The following RAI14 variants were observed in gnomAD, a reference collection of about 807,000 sequenced individuals.
The protein encoded by RAI14 is retinoic acid induced 14, also known as ankycorbin.
RAI14 carries 45 observed loss-of-function variants against 115.4 expected under a neutral mutation model. That is an observed-to-expected ratio of 0.39 (90% CI 0.31 to 0.50). RAI14 has a LOEUF of 0.50. Ranked by LOEUF, RAI14 falls within the 20% of genes least tolerant of loss-of-function variation. The pLI is 0.85. For synonymous variants in RAI14, 371 were observed against 415.4 expected (o/e 0.89, Z 1.30); for missense variants, 939 against 1,131.2 (o/e 0.83, Z 2.44).
intron 2 of RAI14, chr5:34,688,274 A>G (rs1223851705): frequency 6.5e-7 from 1 of 1,529,192 alleles, no homozygotes; most frequent in Non-Finnish European, 8.9e-7. Flanking sequence ...ATGTTGCCCA[A>G]TTCAGCAGAT....
intron 3 of RAI14, among the ~76,000 whole-genome samples, chr5:34,793,965 T>G (rs1753216743): frequency 6.6e-6 from 1 of 152,190 alleles, no homozygotes; most frequent in Non-Finnish European, 1.5e-5. Flanking sequence ...TTACTAAGGC[T>G]GGGAAACTTT....
intron 3 of RAI14, 69 bp downstream of exon 3, chr5:34,757,667 T>C: frequency 2.6e-6 from 4 of 1,515,264 alleles, no homozygotes; most frequent in Non-Finnish European, 3.5e-6. Context: ...GAATCCTTAG[T>C]ATCCATAGGG....
chr5:34,670,290 T>A (rs1436907763), intron 1 of RAI14, among the ~76,000 whole-genome samples: 1 of 152,220 alleles, frequency 6.6e-6, no homozygotes, highest in African/African-American at 2.4e-5. Flanking sequence ...GTGTTGGGCT[T>A]GGAACTTGAA....
At chr5:34,668,338 G>A (rs1743371687) in intron 1 of RAI14, among the ~76,000 whole-genome samples, 1 of 151,458 alleles carries the variant, frequency 6.6e-6, no homozygotes, top group Non-Finnish European at 1.5e-5. Flanking sequence ...AGGTTGCACT[G>A]AGCCGAGAGT....
intron 1 of RAI14, among the ~76,000 whole-genome samples, chr5:34,681,579 T>C (rs1397844847): frequency 6.6e-6 from 1 of 152,060 alleles, no homozygotes; most frequent in Non-Finnish European, 1.5e-5. Flanking sequence ...ACTGTAGCCT[T>C]GAACTCCCAG....
chr5:34,723,957 C>A (rs1444066201), intron 2 of RAI14, among the ~76,000 whole-genome samples: 1 of 151,992 alleles, frequency 6.6e-6, no homozygotes, highest in African/African-American at 2.4e-5. Context: ...TGACTTTTTG[C>A]CTTAAGTATT....
At chr5:34,822,250 G>GTATATATATATA (rs376790121) in intron 14 of RAI14, among the ~76,000 whole-genome samples, 7,472 of 134,338 alleles carry the variant, frequency 0.056, 305 homozygotes, top group African/African-American at 0.1. Context: ...ATGTGTGTAT[G>GTATATATATATA]TATATATATA....
chr5:34,709,363 G>A (rs377502691), intron 2 of RAI14, among the ~76,000 whole-genome samples: 2 of 152,220 alleles, frequency 1.3e-5, no homozygotes, highest in African/African-American at 4.8e-5. Context: ...CAGGAGAATC[G>A]CTTGAACCTG....
chr5:34,786,419 A>G (rs1381048168), intron 3 of RAI14, among the ~76,000 whole-genome samples: 1 of 152,200 alleles, frequency 6.6e-6, no homozygotes, highest in Non-Finnish European at 1.5e-5. Context: ...CTTCAAAATA[A>G]GAAGGGGGTG....
intron 1 of RAI14, chr5:34,684,478 A>G (rs1307876505): frequency 6.6e-6 from 1 of 152,192 alleles, no homozygotes; most frequent in East Asian, 1.9e-4. Flanking sequence ...ACAATGTATA[A>G]TTATGGTGTG....
intron 2 of RAI14, among the ~76,000 whole-genome samples, chr5:34,717,388 T>C (rs567736422): frequency 6.6e-6 from 1 of 152,378 alleles, no homozygotes; most frequent in East Asian, 1.9e-4. Context: ...AAAATATGGA[T>C]GCAATTTTAA....
chr5:34,779,703 C>G lies in RAI14; in HGVS notation c.168-16236C>G, dbSNP rs994022325. 3.9e-5 allele frequency among the ~76,000 whole-genome samples: 6 copies of G among 152,298 alleles called. No individual in the cohort carries two copies. In the South Asian group the frequency reaches 1.2e-3, roughly 32 times the overall value. On this transcript the variant is annotated intron_variant, in intron 3 of 17. Coordinates refer to ENST00000265109, the MANE Select transcript of RAI14 (RefSeq NM_015577.3). Reference sequence around the variant, plus strand: ...CTTCAAGGAGAATTACAAACCACTACTCAACGAAATAAAAGAGGACACAAA... The same window carrying G: ...CTTCAAGGAGAATTACAAACCACTAGTCAACGAAATAAAAGAGGACACAAA...
intron 2 of RAI14, among the ~76,000 whole-genome samples, chr5:34,728,312 T>C (rs181982934): frequency 9.2e-5 from 14 of 152,242 alleles, no homozygotes; most frequent in Non-Finnish European, 1.8e-4. Flanking sequence ...GTTAAGACTT[T>C]GGGGGGCCGT....
At chr5:34,723,255 C>T (rs1340071479) in intron 2 of RAI14, among the ~76,000 whole-genome samples, 2 of 151,550 alleles carry the variant, frequency 1.3e-5, no homozygotes, top group African/African-American at 2.4e-5. Flanking sequence ...GTTTATTTAT[C>T]TATAGAGAGA....
intron 1 of RAI14, among the ~76,000 whole-genome samples, chr5:34,660,150 T>C (rs1327234274): frequency 6.6e-6 from 1 of 151,528 alleles, no homozygotes; most frequent in Non-Finnish European, 1.5e-5. Context: ...CATTGCAGCC[T>C]GGGCGACAGA....
At chr5:34,707,509 G>A (rs1740851255) in intron 2 of RAI14, among the ~76,000 whole-genome samples, 1 of 152,144 alleles carries the variant, frequency 6.6e-6, no homozygotes, top group Non-Finnish European at 1.5e-5. Context: ...TTAAAATTCT[G>A]TATTTCCTGT....
At position 34,823,162 on chromosome 5, in the gene RAI14, T is replaced by C. The variant is rs145935448; in HGVS notation, c.1320T>C (p.Asp440=). 1.9e-6 allele frequency: 3 copies of C among 1,613,398 alleles called. No individual in the cohort carries two copies. Among genetic ancestry groups the C allele is most frequent in the Non-Finnish European group, 2.5e-6 (3 of 1,179,338 alleles). The change falls in exon 15 of 18, where the codon GAT becomes GAC. Residue 440 remains aspartate (D), a synonymous_variant. Transcript: ENST00000265109. This position sits in a 1 kb window ranked among gnomAD's most constrained non-coding sequence, Gnocchi z 4.5. ...RIQQLQEILQ[D]LQKRLESSEA... Reference sequence around the variant, plus strand: ...AGCAACTGCAAGAGATTTTGCAAGATCTACAGAAGAGATTAGAGAGCTCTG... The same window carrying C: ...AGCAACTGCAAGAGATTTTGCAAGACCTACAGAAGAGATTAGAGAGCTCTG...
intron 2 of RAI14, among the ~76,000 whole-genome samples, chr5:34,687,216 C>A (rs1239075032): frequency 1.3e-5 from 2 of 152,148 alleles, no homozygotes; most frequent in Non-Finnish European, 2.9e-5. Context: ...GGAACCGTCA[C>A]ATTAAACATC....
chr5:34,774,245 C>T (rs1215974822), intron 3 of RAI14, among the ~76,000 whole-genome samples: 1 of 151,898 alleles, frequency 6.6e-6, no homozygotes, highest in Non-Finnish European at 1.5e-5. Flanking sequence ...AGGCACTGTG[C>T]CTGTCATCCC....
Sources: allele counts gnomAD v4.1 joint callset (sites outside exome capture counted in the v4.1 genomes callset), GRCh38; gene constraint gnomAD v4.1.1; non-coding constraint Gnocchi (gnomAD v3.1); transcripts MANE v1.5; gene names NCBI Gene and HGNC (gene_info 2026-07-23, HGNC 2026-07-21).